Variants in SBF2 observed in about 807,000 individuals in gnomAD.
SBF2 encodes the protein myotubularin-related protein 13.
A neutral mutation model predicts 225.2 loss-of-function variants in SBF2; 112 were observed. The observed-to-expected ratio is 0.50, with a 90% CI of 0.43 to 0.58. The LOEUF (loss-of-function observed/expected upper bound fraction) is 0.58. SBF2 is among the 20% of genes least tolerant of loss of function. The pLI is 0.00. For synonymous variants in SBF2, 763 were observed against 773.3 expected (o/e 0.99, Z 0.22); for missense variants, 1,996 against 2,206.2 (o/e 0.90, Z 1.91).
At chr11:10,095,740 A>G (rs1452394727) in intron 2 of SBF2, among the ~76,000 whole-genome samples, 2 of 152,208 alleles carry the variant, frequency 1.3e-5, no homozygotes, top group Non-Finnish European at 2.9e-5. Context: ...TTTTAATCAC[A>G]CATACTGATT....
intron 16 of SBF2, among the ~76,000 whole-genome samples, chr11:9,911,813 A>G (rs1007891785): frequency 1.3e-5 from 2 of 152,182 alleles, no homozygotes; most frequent in African/African-American, 4.8e-5. Context: ...AATACTTACC[A>G]TTGTGTTACA....
At chr11:10,167,737 G>A (rs1417621816) in intron 2 of SBF2, among the ~76,000 whole-genome samples, 1 of 152,228 alleles carries the variant, frequency 6.6e-6, no homozygotes, top group Non-Finnish European at 1.5e-5. Context: ...ATAGGCCACG[G>A]CCAAGCACGG....
Position 9,816,850 on chromosome 11 carries a change from G to A in SBF2, c.3968C>T (p.Ser1323Leu), listed in dbSNP as rs369288449. The change falls in exon 29 of 40, where the codon TCG becomes TTG. Residue 1323 changes from serine to leucine, a missense_variant. Coordinates refer to ENST00000256190, the MANE Select transcript of SBF2 (RefSeq NM_030962.4). ...QAALYIFGEK[S>L]QLRNFKVEFA... ...AAAAAGAAATCTTACCCTTAGTTGC[G>A]ACTTTTCACCAAATATGTAAAGGGC... 21 of 1,613,876 alleles carry A rather than the reference G, an allele frequency of 1.3e-5. No homozygotes were observed. Among genetic ancestry groups the A allele is most frequent in the South Asian group, 5.5e-5 (5 of 91,042 alleles).
At chr11:10,112,640 T>C (rs756712867) in intron 2 of SBF2, among the ~76,000 whole-genome samples, 5 of 152,130 alleles carry the variant, frequency 3.3e-5, no homozygotes, top group African/African-American at 4.8e-5. Flanking sequence ...AACACATCTT[T>C]GGGGAAAATA....
chr11:10,154,665 TCTGA>T (rs765191355), intron 2 of SBF2, among the ~76,000 whole-genome samples: 2 of 152,174 alleles, frequency 1.3e-5, no homozygotes, highest in African/African-American at 2.4e-5. Flanking sequence ...TCCTTGAATG[TCTGA>T]CTATTTTTGA....
At chr11:10,145,166 G>A (rs1173568985) in intron 2 of SBF2, among the ~76,000 whole-genome samples, 3 of 152,178 alleles carry the variant, frequency 2.0e-5, no homozygotes, top group African/African-American at 4.8e-5. Context: ...AACAGTTTGA[G>A]GCTGGAATCA....
chr11:9,910,791 G>C (rs1182024397), intron 16 of SBF2, among the ~76,000 whole-genome samples: 1 of 150,578 alleles, frequency 6.6e-6, no homozygotes, highest in African/African-American at 2.4e-5. Flanking sequence ...GCTCACACCT[G>C]TAATCCCAGC....
chr11:9,956,608 A>G (rs989208904), intron 16 of SBF2: 18 of 123,386 alleles, frequency 1.5e-4, no homozygotes, highest in Admixed American at 1.3e-3. Context: ...AGGCTGATTT[A>G]TAAGTGCTGC....
chr11:10,277,172 C>G (rs1448843379), intron 1 of SBF2, among the ~76,000 whole-genome samples: 1 of 148,318 alleles, frequency 6.7e-6, no homozygotes, highest in East Asian at 2.0e-4. Context: ...GTAATCTCAG[C>G]ACTTTGGGAG....
intron 29 of SBF2, 36 bp from the exon 30 acceptor site, chr11:9,812,744 G>T: frequency 6.2e-7 from 1 of 1,604,710 alleles, no homozygotes; most frequent in Non-Finnish European, 8.5e-7. Context: ...GGCAGATGAA[G>T]TGCTATAGGT....
In SBF2 at chr11:10,054,098, C is replaced by A. The variant is rs367661607; in HGVS notation, c.142-11117G>T. Among the ~76,000 whole-genome samples the A allele has an allele frequency of 3.3e-5, 5 of 152,066 alleles. No homozygotes were observed. The South Asian group carries it at 1.0e-3, about 31-fold the overall frequency. On this transcript the variant is annotated intron_variant, in intron 2 of 39. Transcript: ENST00000256190. The stretch of plus-strand genomic sequence containing the variant: ...AAAGTATATACTTAAAAGGGACTAT[C>A]CAAAATTATTTGCTTAAAATGGAAA...
upstream of SBF2, among the ~76,000 whole-genome samples, chr11:10,298,769 C>A (rs551846438): frequency 6.6e-6 from 1 of 152,314 alleles, no homozygotes; most frequent in East Asian, 1.9e-4. Flanking sequence ...ATCACTCAGT[C>A]CTATTGTTCC....
chr11:10,213,811 T>G (rs10500722), intron 1 of SBF2, among the ~76,000 whole-genome samples: 108,132 of 152,026 alleles, frequency 0.71, 38,730 homozygotes, highest in Non-Finnish European at 0.76. Context: ...GTCATTCAAA[T>G]GGTTCCATGT....
chr11:10,293,208 G>GTGCA (rs1253850965), intron 1 of SBF2, among the ~76,000 whole-genome samples: 6 of 152,120 alleles, frequency 3.9e-5, no homozygotes, highest in South Asian at 2.1e-4. Context: ...AGAAATAAAC[G>GTGCA]TGCATGAACC....
At chr11:9,794,676 C>CAA (rs575749593) in intron 33 of SBF2, among the ~76,000 whole-genome samples, 1,093 of 35,266 alleles carry the variant, frequency 0.031, 278 homozygotes, top group Middle Eastern at 0.12. Context: ...GACTCCGTCT[C>CAA]AAAAAAAAAA....
In SBF2 at chr11:9,998,375, T is replaced by C; in HGVS notation, c.866A>G (p.Asp289Gly). 6.5e-7 allele frequency: 1 copy of C among 1,539,988 alleles called. No individual in the cohort carries two copies. Among genetic ancestry groups the C allele is most frequent in the Non-Finnish European group, 9.0e-7 (1 of 1,115,024 alleles). Reference protein sequence around the residue: ...VFKTDVHELLDVIIADLDGGT... With the variant: ...VFKTDVHELLGVIIADLDGGT... ...TCCATCCAAATCTGCTATGATTACA[T>C]CTAACTGAAAGAGATAAAAAAATTA... The change falls in exon 9 of 40, where the codon GAT becomes GGT. Residue 289 changes from aspartate to glycine, a missense_variant. Physicochemically the swap from Asp to Gly is moderately conservative, Grantham distance 94 (BLOSUM62 -1). Transcript: ENST00000256190.
At chr11:9,859,073 G>A (rs1251858411) in intron 17 of SBF2, among the ~76,000 whole-genome samples, 3 of 152,104 alleles carry the variant, frequency 2.0e-5, no homozygotes, top group Admixed American at 6.6e-5. Flanking sequence ...GGGTTTCAGC[G>A]TAAGAGTAAA....
chr11:10,001,621 T>G (rs1013556764), intron 7 of SBF2, among the ~76,000 whole-genome samples: 2 of 151,522 alleles, frequency 1.3e-5, no homozygotes, highest in African/African-American at 4.9e-5. Flanking sequence ...GCCTCCAGGG[T>G]TCACACCATT....
intron 33 of SBF2, among the ~76,000 whole-genome samples, chr11:9,795,075 ATG>A (rs1157447762): frequency 1.3e-5 from 2 of 152,208 alleles, no homozygotes; most frequent in African/African-American, 4.8e-5. Flanking sequence ...AAAAATGGTC[ATG>A]TGTTTCCTCT....
Sources: allele counts gnomAD v4.1 joint callset (sites outside exome capture counted in the v4.1 genomes callset), GRCh38; gene constraint gnomAD v4.1.1; transcripts MANE v1.5; gene names NCBI Gene and HGNC (gene_info 2026-07-23, HGNC 2026-07-21).